Variants in NDUFA12 observed in about 807,000 individuals in gnomAD.
NDUFA12 encodes the protein NADH dehydrogenase [ubiquinone] 1 alpha subcomplex subunit 12.
Under a neutral mutation model 20.3 loss-of-function variants are expected in NDUFA12, and 17 were observed. The ratio of observed to expected loss-of-function variants is 0.84; its 90% CI spans 0.57 to 1.26. The LOEUF (loss-of-function observed/expected upper bound fraction) is 1.26. Ranked by LOEUF, NDUFA12 falls within the 50% of genes most tolerant of loss-of-function variation. NDUFA12 has a pLI of 0.00. For missense variants in NDUFA12, 191 were observed against 183.7 expected, an observed-to-expected ratio of 1.04 and a Z score of -0.23; for synonymous variants, 72 against 63.6, an observed-to-expected ratio of 1.13 and a Z score of -0.63.
At chr12:94,990,696 G>C (rs901291928) in intron 3 of NDUFA12, among the ~76,000 whole-genome samples, 2 of 152,088 alleles carry the variant, frequency 1.3e-5, no homozygotes, top group Non-Finnish European at 2.9e-5. Context: ...CTTCCAAAGT[G>C]CTGGGACTAC....
intron 2 of NDUFA12, among the ~76,000 whole-genome samples, chr12:94,999,613 A>G (rs1271350898): frequency 6.6e-6 from 1 of 152,234 alleles, no homozygotes; most frequent in Non-Finnish European, 1.5e-5. Context: ...ACTACAAGGA[A>G]CTCACACAAA....
rs571183421 is a variant in NDUFA12 at position 94,995,186 on chromosome 12, A to G, written c.170-929T>C. Among the ~76,000 whole-genome samples the G allele has an allele frequency of 3.9e-5, 6 of 152,364 alleles. No homozygotes were observed. The East Asian group carries it at 9.6e-4, about 24-fold the overall frequency. ...TGCATTTCATTTACAGGGTTTTCCC[A>G]GGTAAACATATAATCAACAAAAATT... is the stretch of plus-strand genomic sequence containing the variant. On this transcript the variant is annotated intron_variant, in intron 2 of 3. Coordinates refer to ENST00000327772, the MANE Select transcript of NDUFA12 (RefSeq NM_018838.5).
intron 2 of NDUFA12, chr12:94,997,054 A>G: frequency 3.5e-6 from 1 of 288,954 alleles, no homozygotes; most frequent in South Asian, 3.1e-5. Context: ...TATTAAAAAT[A>G]TCATAACTAG....
At chr12:95,002,437 CAAAAA>C (rs71075895) in intron 2 of NDUFA12, among the ~76,000 whole-genome samples, 2 of 63,622 alleles carry the variant, frequency 3.1e-5, no homozygotes, top group Admixed American at 2.0e-4. Context: ...GACTCCATCT[CAAAAA>C]AAAAAAAAAA....
chr12:94,971,656 A>G lies in NDUFA12; in HGVS notation c.258-36T>C, dbSNP rs776122260. On this transcript the variant is annotated intron_variant, in intron 3 of 3. Coordinates refer to ENST00000327772, the MANE Select transcript of NDUFA12 (RefSeq NM_018838.5). ...GGAAAAAACCCAAACAGTTATGAAG[A>G]GGCAGTACAGCATAGTGGAAGGACG... 9.9e-6 allele frequency: 16 copies of G among 1,610,600 alleles called. No homozygotes were observed. In the South Asian group the frequency reaches 1.5e-4, roughly 15 times the overall value.
intron 2 of NDUFA12, among the ~76,000 whole-genome samples, chr12:94,998,902 T>C (rs978257367): frequency 6.6e-6 from 1 of 152,160 alleles, no homozygotes; most frequent in African/African-American, 2.4e-5. Context: ...AAAACGACTA[T>C]ATGGCCCAAA....
Position 94,971,545 on chromosome 12 carries a change from C to T in NDUFA12, c.333G>A (p.Thr111=), listed in dbSNP as rs140708407. The change falls in exon 4 of 4, where the codon ACG becomes ACA. Residue 111 remains threonine, a synonymous_variant. Coordinates refer to ENST00000327772, the MANE Select transcript of NDUFA12 (RefSeq NM_018838.5). The part of the protein sequence containing the change: ...KPLTARKFIW[T]NHKFNVTGTP... ...TGCCAGTCACGTTGAATTTATGGTT[C>T]GTCCAAATGAATTTACGAGCAGTAA... The T allele has an allele frequency of 2.4e-4, 386 of 1,614,098 alleles. No individual in the cohort carries two copies. The highest frequency in any genetic ancestry group is 3.0e-4 in the Non-Finnish European group (349 of 1,180,024).
chr12:95,002,735 T>C lies in NDUFA12; in HGVS notation c.169+4A>G, dbSNP rs753099283. The stretch of plus-strand genomic sequence containing the variant: ...TTATTCATACTAAAAAATACTGCAC[T>C]CACCAAAAAATTGCTTGTTGTCTTC... On this transcript the variant is annotated splice_donor_region_variant and intron_variant, in intron 2 of 3. Coordinates refer to ENST00000327772, the MANE Select transcript of NDUFA12 (RefSeq NM_018838.5). 9.9e-6 allele frequency: 16 copies of C among 1,610,864 alleles called. No homozygotes were observed. The highest frequency in any genetic ancestry group is 1.4e-5 in the Non-Finnish European group (16 of 1,177,174).
At chr12:94,973,045 T>C (rs1179522000) in intron 3 of NDUFA12, among the ~76,000 whole-genome samples, 2 of 152,000 alleles carry the variant, frequency 1.3e-5, no homozygotes, top group African/African-American at 2.4e-5. Flanking sequence ...AAAGTGATTA[T>C]CTAGCTGCAG....
chr12:95,003,684 G>A lies in NDUFA12; in HGVS notation c.-4C>T, dbSNP rs1322212448. ...TCAGGACCTGCACTAACTCCATCTTGCCTCGCTGGCCCCGCCTCCCGGGTG... is the reference window on the plus strand; with the variant it reads ...TCAGGACCTGCACTAACTCCATCTTACCTCGCTGGCCCCGCCTCCCGGGTG... On this transcript the variant is annotated 5_prime_UTR_variant, in exon 1 of 4. Coordinates refer to ENST00000327772, the MANE Select transcript of NDUFA12 (RefSeq NM_018838.5). 1 of 1,613,888 alleles carries A rather than the reference G, an allele frequency of 6.2e-7. No homozygotes were observed. Among genetic ancestry groups the A allele is most frequent in the African/African-American group, 1.3e-5 (1 of 74,828 alleles).
At chr12:94,994,143 G>C (rs1874740911) in intron 3 of NDUFA12, 27 bp downstream of exon 3, 4 of 1,602,242 alleles carry the variant, frequency 2.5e-6, no homozygotes, top group Non-Finnish European at 3.4e-6. Context: ...AAAAAAGAAA[G>C]ACAAATAAAA....
In NDUFA12 at chr12:94,978,153, T is replaced by C. The variant is rs186618503; in HGVS notation, c.258-6533A>G. Among the ~76,000 whole-genome samples, 4 of 152,338 alleles carry C rather than the reference T, an allele frequency of 2.6e-5. 1 individual carries two copies. The highest frequency in any genetic ancestry group is 2.6e-4 in the Admixed American group (4 of 15,294). On this transcript the variant is annotated intron_variant, in intron 3 of 3. Transcript: ENST00000327772. ...GCATGGAAGGAGTTGGGGTTTTTAC[T>C]CTCACTGTGATGGGAAGCCACTGGG...
intron 3 of NDUFA12, among the ~76,000 whole-genome samples, chr12:94,989,643 A>G (rs1592703157): frequency 6.6e-6 from 1 of 152,334 alleles, no homozygotes; most frequent in East Asian, 1.9e-4. Context: ...CTCTCCACAA[A>G]GAAATGCAGC....
chr12:94,998,678 C>T (rs1405916595), intron 2 of NDUFA12, among the ~76,000 whole-genome samples: 4 of 152,176 alleles, frequency 2.6e-5, no homozygotes, highest in East Asian at 3.8e-4. Flanking sequence ...CACAGCTATA[C>T]ACCAACAATG....
At position 94,985,897 on chromosome 12, in the gene NDUFA12, C is replaced by T. The variant is rs141854540; in HGVS notation, c.257+8273G>A. On this transcript the variant is annotated intron_variant, in intron 3 of 3. Transcript: ENST00000327772. ...GTCAGGAATTTGAGACCAGCCTGGC[C>T]AATATGGTGAAACCCCGTCTCTACT... Among the ~76,000 whole-genome samples the T allele has an allele frequency of 5.5e-4, 84 of 151,848 alleles. 1 individual carries two copies. The highest frequency in any genetic ancestry group is 2.0e-3 in the African/African-American group (82 of 41,430).
chr12:94,994,366 T>C, intron 2 of NDUFA12, 109 bp from the exon 3 acceptor site: 1 of 800,888 alleles, frequency 1.2e-6, no homozygotes, highest in Admixed American at 2.4e-5. Flanking sequence ...TTTGTGATCT[T>C]ATATAAGAGA....
chr12:94,979,494 G>A (rs1874165793), intron 3 of NDUFA12, among the ~76,000 whole-genome samples: 1 of 151,946 alleles, frequency 6.6e-6, no homozygotes, highest in Non-Finnish European at 1.5e-5. Flanking sequence ...ATGGAAAAAA[G>A]CAAGTAAAAT....
intron 3 of NDUFA12, among the ~76,000 whole-genome samples, chr12:94,984,736 A>AACC (rs36013656): frequency 4.0e-5 from 3 of 74,162 alleles, no homozygotes; most frequent in South Asian, 5.4e-4. Context: ...ACAACAAAAA[A>AACC]CCCATATATA....
intron 3 of NDUFA12, among the ~76,000 whole-genome samples, chr12:94,982,306 C>CTCT (rs1874270251): frequency 6.8e-6 from 1 of 147,804 alleles, no homozygotes; most frequent in Non-Finnish European, 1.5e-5. Context: ...GACAGAGTCT[C>CTCT]TCTGTTGCCC....
Sources: gnomAD v4.1 joint callset for allele counts (sites outside exome capture counted in the v4.1 genomes callset) on GRCh38, gnomAD v4.1.1 for gene constraint, MANE v1.5 for transcripts, NCBI Gene and HGNC (gene_info 2026-07-23, HGNC 2026-07-21) for gene names.